Variants in CBX1 observed in about 807,000 individuals in gnomAD.
CBX1 encodes the protein chromobox protein homolog 1.
Under a neutral mutation model 25.1 loss-of-function variants are expected in CBX1, and 10 were observed. The observed-to-expected ratio is 0.40, with a 90% CI of 0.25 to 0.68. CBX1 has a LOEUF of 0.68. Ranked by LOEUF, CBX1 falls within the 30% of genes least tolerant of loss-of-function variation. The probability of loss-of-function intolerance (pLI) is 0.40; values close to 1 mark genes in which losing one functional copy is unlikely to be tolerated. For missense variants in CBX1, 106 were observed against 218.5 expected (o/e 0.49, Z 3.25); for synonymous variants, 63 against 79.4 (o/e 0.79, Z 1.10).
chr17:48,085,800 T>G (rs994762373), intron 1 of CBX1, among the ~76,000 whole-genome samples: 3 of 152,186 alleles, frequency 2.0e-5, no homozygotes, highest in Non-Finnish European at 4.4e-5. Flanking sequence ...GCGCGGTGGC[T>G]CACGCCTATA....
rs6847 is a variant in CBX1, at chr17:48,070,445, T to A, written c.*990A>T. 41,535 of 152,502 alleles carry A rather than the reference T, an allele frequency of 0.27. 6,385 individuals carry two copies. Among genetic ancestry groups the A allele is most frequent in the African/African-American group, 0.43 (17,639 of 41,450 alleles). The allele number at this position is 152,502 out of a possible 1,614,324, so 9.4% of individuals were successfully genotyped here. On this transcript the variant is annotated 3_prime_UTR_variant, in exon 5 of 5. Transcript: ENST00000225603. Reference sequence around the variant, plus strand: ...TGGTTTCAGTGTTCAAAGCTCAAAGTAAACGGCTCCAAGAGTTTTCCCCAC... The same window carrying A: ...TGGTTTCAGTGTTCAAAGCTCAAAGAAAACGGCTCCAAGAGTTTTCCCCAC...
chr17:48,077,430 GTTGTTTTTT>G (rs2037685441), intron 1 of CBX1, among the ~76,000 whole-genome samples: 1 of 56,456 alleles, frequency 1.8e-5, no homozygotes, highest in Non-Finnish European at 3.3e-5. Flanking sequence ...GCTAATTTTT[GTTGTTTTTT>G]TTTTTGTTTT....
At chr17:48,072,380 G>T (rs891402987) in intron 4 of CBX1, among the ~76,000 whole-genome samples, 1 of 152,060 alleles carries the variant, frequency 6.6e-6, no homozygotes, top group South Asian at 2.1e-4. Flanking sequence ...TTGCATAATC[G>T]TAATTACACT....
intron 1 of CBX1, among the ~76,000 whole-genome samples, chr17:48,091,427 GA>G (rs1354987786): frequency 2.0e-5 from 3 of 150,994 alleles, no homozygotes; most frequent in African/African-American, 7.3e-5. Flanking sequence ...AGGCAGGAAT[GA>G]AGTGGTGTGA....
intron 1 of CBX1, among the ~76,000 whole-genome samples, chr17:48,100,348 A>G (rs1234441609): frequency 6.6e-6 from 1 of 151,984 alleles, no homozygotes; most frequent in Non-Finnish European, 1.5e-5. Context: ...TCATCTACAT[A>G]TTTTTACAAT....
chr17:48,100,767 T>C, intron 1 of CBX1: 1 of 985,472 alleles, frequency 1.0e-6, no homozygotes, highest in Non-Finnish European at 1.2e-6. Context: ...TGTGCGGCCC[T>C]GGGCCCTCTT....
chr17:48,074,220 C>CTGTG (rs34047980), intron 4 of CBX1, among the ~76,000 whole-genome samples: 9 of 150,750 alleles, frequency 6.0e-5, no homozygotes, highest in South Asian at 2.1e-4. Flanking sequence ...GCTCCATAGA[C>CTGTG]TGTGTGTGTG....
At chr17:48,079,196 C>T (rs1195322150) in intron 1 of CBX1, among the ~76,000 whole-genome samples, 2 of 151,854 alleles carry the variant, frequency 1.3e-5, no homozygotes, top group Non-Finnish European at 2.9e-5. Context: ...ACCTCCGCCA[C>T]CTGGGTTCAA....
At chr17:48,094,347 T>C (rs1335957569) in intron 1 of CBX1, among the ~76,000 whole-genome samples, 1 of 151,694 alleles carries the variant, frequency 6.6e-6, no homozygotes, top group Non-Finnish European at 1.5e-5. Flanking sequence ...AGCAGGAGAA[T>C]TCCTTGAACT....
At chr17:48,098,634 A>G (rs2063389270) in intron 1 of CBX1, among the ~76,000 whole-genome samples, 1 of 152,118 alleles carries the variant, frequency 6.6e-6, no homozygotes. Flanking sequence ...AGTAGCTGGG[A>G]TTACAGGTGT....
chr17:48,092,318 T>TA (rs372155633), intron 1 of CBX1, among the ~76,000 whole-genome samples: 248 of 148,086 alleles, frequency 1.7e-3, no homozygotes, highest in Middle Eastern at 3.4e-3. Context: ...TACTATCTAT[T>TA]AAAAAAAAAA....
At chr17:48,090,824 C>T (rs1265824312) in intron 1 of CBX1, among the ~76,000 whole-genome samples, 1 of 152,190 alleles carries the variant, frequency 6.6e-6, no homozygotes, top group African/African-American at 2.4e-5. Context: ...ATTCACATAA[C>T]AATTATCTAC....
At chr17:48,086,538 TAAATGCCAAGGTG>T (rs1015386641) in intron 1 of CBX1, among the ~76,000 whole-genome samples, 1 of 152,196 alleles carries the variant, frequency 6.6e-6, no homozygotes, top group African/African-American at 2.4e-5. Context: ...GGTTTCTAGC[TAAATGCCAAGGTG>T]AGGCATTTAA....
At chr17:48,085,172 T>A (rs2144449422) in intron 1 of CBX1, among the ~76,000 whole-genome samples, 1 of 152,360 alleles carries the variant, frequency 6.6e-6, no homozygotes. Context: ...AATAATACTT[T>A]ACATTTGCAT....
rs559901596 is a variant in CBX1 at position 48,073,014 on chromosome 17, C to T, written c.414-1435G>A. Among the ~76,000 whole-genome samples the T allele has an allele frequency of 2.6e-3, 396 of 151,142 alleles. 3 individuals are homozygous for T. Among genetic ancestry groups the T allele is most frequent in the African/African-American group, 9.3e-3 (381 of 41,130 alleles). On this transcript the variant is annotated intron_variant, in intron 4 of 4. Transcript: ENST00000225603. The stretch of plus-strand genomic sequence containing the variant: ...GCGTGCGCCTGTAATCCCAACTATT[C>T]GGGAGGCTGAGGCACAAGAATCGCT...
At chr17:48,093,491 G>C (rs2063355737) in intron 1 of CBX1, among the ~76,000 whole-genome samples, 2 of 152,170 alleles carry the variant, frequency 1.3e-5, no homozygotes, top group African/African-American at 4.8e-5. Flanking sequence ...GAAAAGCTGA[G>C]TTTGAAACCA....
intron 1 of CBX1, among the ~76,000 whole-genome samples, chr17:48,085,479 T>C (rs1034525338): frequency 2.0e-5 from 3 of 151,950 alleles, no homozygotes; most frequent in African/African-American, 7.3e-5. Flanking sequence ...AGATGACTCC[T>C]CCCTACAATT....
intron 1 of CBX1, chr17:48,100,713 T>G: frequency 1.0e-6 from 1 of 985,354 alleles, no homozygotes; most frequent in Non-Finnish European, 1.2e-6. Context: ...CGTGTCCCCT[T>G]TCCCAATTTA....
chr17:48,076,571 T>C (rs2037676342), intron 2 of CBX1, among the ~76,000 whole-genome samples: 1 of 152,080 alleles, frequency 6.6e-6, no homozygotes. Flanking sequence ...CTTAGAAGGC[T>C]GAGGTGGGAG....
Sources: allele counts gnomAD v4.1 joint callset (sites outside exome capture counted in the v4.1 genomes callset), GRCh38; gene constraint gnomAD v4.1.1; transcripts MANE v1.5; gene names NCBI Gene and HGNC (gene_info 2026-07-23, HGNC 2026-07-21).